C2CD4A: variants seen among roughly 807,000 people sequenced by gnomAD.
The protein encoded by C2CD4A is C2 calcium dependent domain containing 4A, also known as C2 calcium-dependent domain-containing protein 4A.
Under a neutral mutation model 0.4 loss-of-function variants are expected in C2CD4A, and 2 were observed. The observed-to-expected ratio is 4.45, with a 90% CI of 1.82 to 13.99. The LOEUF (loss-of-function observed/expected upper bound fraction) is 13.99, where lower values mean the gene tolerates loss of function less well. C2CD4A is among the 30% of genes most tolerant of loss of function. The probability of loss-of-function intolerance (pLI) is 0.04; values close to 1 mark genes in which losing one functional copy is unlikely to be tolerated. For synonymous variants in C2CD4A, 297 were observed against 280.8 expected (o/e 1.06, Z -0.58); for missense variants, 610 against 574.2 (o/e 1.06, Z -0.64).
Position 62,068,769 on chromosome 15 carries a change from C to G in C2CD4A, c.*46C>G. ...CGCTCTGCCCGGGGGACTCCGGACA[C>G]TGACAGCCGCGTGGTACAAAATAAA... is the stretch of plus-strand genomic sequence containing the variant. On this transcript the variant is annotated 3_prime_UTR_variant, in exon 2 of 2. Transcript: ENST00000355522. 1 of 1,426,366 alleles carries G rather than the reference C, an allele frequency of 7.0e-7. No individual in the cohort carries two copies. The highest frequency in any genetic ancestry group is 9.2e-7 in the Non-Finnish European group (1 of 1,086,900). 88.4% of individuals were successfully genotyped at this position (1,426,366 alleles called of 1,614,324 possible). A position where few individuals can be genotyped will look rare whatever the true frequency, so the allele number is the denominator to read the frequency against.
In C2CD4A at chr15:62,068,436, C is replaced by A. The variant is rs1399684350; in HGVS notation, c.823C>A (p.Leu275Ile). ...PGTGRLRLRL[L>I]RAESPAGGAP... ...AACCGGGCGGCTCCGCCTCCGGCTG[C>A]TCCGCGCCGAGAGCCCGGCCGGAGG... Residue 275 changes from leucine to isoleucine, a missense_variant, in exon 2 of 2, where the codon CTC (leucine) becomes ATC (isoleucine). Transcript: ENST00000355522. 2.1e-6 allele frequency: 3 copies of A among 1,414,308 alleles called. No homozygotes were observed. The African/African-American group carries it at 4.5e-5, about 21-fold the overall frequency. The allele number at this position is 1,414,308 out of a possible 1,614,324, so 87.6% of individuals were successfully genotyped here.
Position 62,068,881 on chromosome 15 carries a change from T to G in C2CD4A, c.*158T>G. The G allele has an allele frequency of 9.1e-7, 1 of 1,099,458 alleles. No individual in the cohort carries two copies. The highest frequency in any genetic ancestry group is 2.5e-5 in the South Asian group (1 of 39,710). The allele number at this position is 1,099,458 out of a possible 1,614,324, so 68.1% of individuals were successfully genotyped here. A position where few individuals can be genotyped will look rare whatever the true frequency, so the allele number is the denominator to read the frequency against. On this transcript the variant is annotated 3_prime_UTR_variant, in exon 2 of 2. Coordinates refer to ENST00000355522, the MANE Select transcript of C2CD4A (RefSeq NM_207322.3). ...TTAACTATCCCAGTAAAAGATATGA[T>G]ATTTTCCATAGATACCTCCAGAATT... is the stretch of plus-strand genomic sequence containing the variant.
Position 62,068,921 on chromosome 15 carries a change from G to T in C2CD4A, c.*198G>T. 8.2e-6 allele frequency: 6 copies of T among 728,884 alleles called. No homozygotes were observed. The highest frequency in any genetic ancestry group is 1.2e-5 in the Non-Finnish European group (6 of 481,460). 45.2% of individuals were successfully genotyped at this position (728,884 alleles called of 1,614,324 possible). ...CCTCCAGAATTTTTTTCAGCAAATG[G>T]AATGGTTCTACAGTGTTTCCCAATA... On this transcript the variant is annotated 3_prime_UTR_variant, in exon 2 of 2. Coordinates refer to ENST00000355522, the MANE Select transcript of C2CD4A (RefSeq NM_207322.3).
chr15:62,067,235 C>A, intron 1 of C2CD4A, 147 bp downstream of exon 1: 1 of 210,546 alleles, frequency 4.7e-6, no homozygotes, highest in South Asian at 1.3e-4. Flanking sequence ...CTGCTATGGT[C>A]CAAAGAGTCA....
rs2049071528 is a variant in C2CD4A at position 62,069,590 on chromosome 15, T to TAATAAG, written c.*872_*873insGAATAA. ...GGAGTGAGACCCTGTCTGCAAATAA[T>TAATAAG]AATAATAATAATAAATAGTTTTACA... is the stretch of plus-strand genomic sequence containing the variant. On this transcript the variant is annotated 3_prime_UTR_variant, in exon 2 of 2. Transcript: ENST00000355522. The TAATAAG allele has an allele frequency of 6.1e-6, 1 of 164,470 alleles. No individual in the cohort carries two copies. The highest frequency in any genetic ancestry group is 2.4e-5 in the African/African-American group (1 of 41,280). The allele number at this position is 164,470 out of a possible 1,614,324, so 10.2% of individuals were successfully genotyped here. A position where few individuals can be genotyped will look rare whatever the true frequency, so the allele number is the denominator to read the frequency against.
In C2CD4A at chr15:62,068,315, C is replaced by G. The variant is rs1193431280; in HGVS notation, c.702C>G (p.Ser234=). ...CCCCCTCCACGAGCCCGCCGTCGTCCCGGGTCCCGTTTCCCGAGCGCCTGG... is the reference window on the plus strand; with the variant it reads ...CCCCCTCCACGAGCCCGCCGTCGTCGCGGGTCCCGTTTCCCGAGCGCCTGG... The part of the protein sequence containing the change: ...ARAPSTSPPS[S]RVPFPERLEA... The change falls in exon 2 of 2, where the codon TCC becomes TCG. Residue 234 remains serine, a synonymous_variant. Coordinates refer to ENST00000355522, the MANE Select transcript of C2CD4A (RefSeq NM_207322.3). 3 of 1,419,090 alleles carry G rather than the reference C, an allele frequency of 2.1e-6. No individual in the cohort carries two copies. Among genetic ancestry groups the G allele is most frequent in the African/African-American group, 1.5e-5 (1 of 67,194 alleles). 87.9% of individuals were successfully genotyped at this position (1,419,090 alleles called of 1,614,324 possible).
At chr15:62,067,248 A>G (rs896380768) in intron 1 of C2CD4A, among the ~76,000 whole-genome samples, 160 bp downstream of exon 1, 1 of 152,214 alleles carries the variant, frequency 6.6e-6, no homozygotes, top group African/African-American at 2.4e-5. Flanking sequence ...AAGAGTCAGG[A>G]AACGATTGCA....
chr15:62,067,630 G>A lies in C2CD4A; in HGVS notation c.17G>A (p.Arg6Gln). 1.9e-6 allele frequency: 3 copies of A among 1,595,492 alleles called. No individual in the cohort carries two copies. Among genetic ancestry groups the A allele is most frequent in the African/African-American group, 1.3e-5 (1 of 74,926 alleles). ...AGTGGCCAGATGTGGTGCCTGGAGC[G>A]ACTCCGCTTGGGTCCTGAGTGCCTT... Reference protein sequence around the residue: MWCLERLRLGPECLRR... With the variant: MWCLEQLRLGPECLRR... Residue 6 changes from arginine to glutamine, a missense_variant, in exon 2 of 2, where the codon CGA becomes CAA. Arg to Gln is a conservative substitution (Grantham distance 43, BLOSUM62 1). Coordinates refer to ENST00000355522, the MANE Select transcript of C2CD4A (RefSeq NM_207322.3).
At position 62,067,621 on chromosome 15, in the gene C2CD4A, G is replaced by A. The variant is rs772793300; in HGVS notation, c.8G>A (p.Cys3Tyr). ...CCAGCAGAGAGTGGCCAGATGTGGT[G>A]CCTGGAGCGACTCCGCTTGGGTCCT... is the stretch of plus-strand genomic sequence containing the variant. Reference protein sequence around the residue: MWCLERLRLGPEC... With the variant: MWYLERLRLGPEC... The change falls in exon 2 of 2, where the codon TGC becomes TAC. Residue 3 changes from cysteine (C) to tyrosine (Y), a missense_variant. By Grantham distance (194) the Cys-to-Tyr change is radical. Transcript: ENST00000355522. 4 of 1,591,022 alleles carry A rather than the reference G, an allele frequency of 2.5e-6. No individual in the cohort carries two copies. Among genetic ancestry groups the A allele is most frequent in the Non-Finnish European group, 3.4e-6 (4 of 1,172,386 alleles).
chr15:62,068,960 G>A lies in C2CD4A; in HGVS notation c.*237G>A, dbSNP rs973336648. 8 of 473,892 alleles carry A rather than the reference G, an allele frequency of 1.7e-5. No homozygotes were observed. The highest frequency in any genetic ancestry group is 1.4e-4 in the African/African-American group (7 of 49,328). The allele number at this position is 473,892 out of a possible 1,614,324, so 29.4% of individuals were successfully genotyped here. A position where few individuals can be genotyped will look rare whatever the true frequency, so the allele number is the denominator to read the frequency against. ...TGTTTCCCAATATAGACAGCCATTT[G>A]CATACCATATGTACCACACACGCCT... On this transcript the variant is annotated 3_prime_UTR_variant, in exon 2 of 2. Coordinates refer to ENST00000355522, the MANE Select transcript of C2CD4A (RefSeq NM_207322.3).
At position 62,070,530 on chromosome 15, in the gene C2CD4A, T is replaced by A. The variant is rs1026459077; in HGVS notation, c.*1807T>A. The A allele has an allele frequency of 3.4e-5, 14 of 413,432 alleles. No individual in the cohort carries two copies. Among genetic ancestry groups the A allele is most frequent in the African/African-American group, 2.9e-4 (14 of 48,726 alleles). 25.6% of individuals were successfully genotyped at this position (413,432 alleles called of 1,614,324 possible). A position where few individuals can be genotyped will look rare whatever the true frequency, so the allele number is the denominator to read the frequency against. On this transcript the variant is annotated 3_prime_UTR_variant, in exon 2 of 2. Transcript: ENST00000355522. ...CATTCATGTTCATTAAAAATGCTAT[T>A]TAGAAAAGAGTTTGATAAAATAAAT...
chr15:62,067,602 G>C lies in C2CD4A; in HGVS notation c.-12G>C. 5.1e-6 allele frequency: 8 copies of C among 1,574,396 alleles called. No individual in the cohort carries two copies. The highest frequency in any genetic ancestry group is 6.0e-6 in the Non-Finnish European group (7 of 1,163,192). ...CACTGCAGGTAGACAAGCTCCAGCA[G>C]AGAGTGGCCAGATGTGGTGCCTGGA... On this transcript the variant is annotated 5_prime_UTR_variant, in exon 2 of 2. Coordinates refer to ENST00000355522, the MANE Select transcript of C2CD4A (RefSeq NM_207322.3).
chr15:62,068,261 C>A lies in C2CD4A; in HGVS notation c.648C>A (p.Arg216=). ...SVSSGNEDKE[R]RAGSQSPARA... is the part of the protein sequence containing the mutation. ...CCAGCGGGAACGAGGACAAGGAGCG[C>A]CGCGCGGGCTCCCAGTCCCCGGCCC... is the stretch of plus-strand genomic sequence containing the variant. Residue 216 remains arginine, a synonymous_variant, in exon 2 of 2, where the codon CGC becomes CGA. Coordinates refer to ENST00000355522, the MANE Select transcript of C2CD4A (RefSeq NM_207322.3). 7.3e-7 allele frequency: 1 copy of A among 1,373,482 alleles called. No homozygotes were observed. The highest frequency in any genetic ancestry group is 1.6e-5 in the South Asian group (1 of 62,486). 85.1% of individuals were successfully genotyped at this position (1,373,482 alleles called of 1,614,324 possible). A position where few individuals can be genotyped will look rare whatever the true frequency, so the allele number is the denominator to read the frequency against.
Position 62,068,584 on chromosome 15 carries a change from T to C in C2CD4A, c.971T>C (p.Phe324Ser). 6.4e-7 allele frequency: 1 copy of C among 1,573,220 alleles called. No homozygotes were observed. The highest frequency in any genetic ancestry group is 1.8e-5 in the Admixed American group (1 of 54,186). ...CGCAAGGCCTCCTTTGACCAGGACT[T>C]CTGCTTCGACGGCCTCTCGGAGGAC... ...RSRKASFDQD[F>S]CFDGLSEDEV... The change falls in exon 2 of 2, where the codon TTC (phenylalanine) becomes TCC (serine). Residue 324 changes from phenylalanine to serine, a missense_variant. By Grantham distance (155) the Phe-to-Ser change is radical (BLOSUM62 -2). Transcript: ENST00000355522.
rs865900020 is a variant in C2CD4A at position 62,068,560 on chromosome 15, G to T, written c.947G>T (p.Arg316Leu). Residue 316 changes from arginine to leucine, a missense_variant, in exon 2 of 2, where the codon CGC (arginine) becomes CTC (leucine). Physicochemically the swap from Arg to Leu is moderately radical, Grantham distance 102. Coordinates refer to ENST00000355522, the MANE Select transcript of C2CD4A (RefSeq NM_207322.3). ...TGCAGCACTGTGGTGGGGCGCAGCCGCAAGGCCTCCTTTGACCAGGACTTC... is the reference window on the plus strand; with the variant it reads ...TGCAGCACTGTGGTGGGGCGCAGCCTCAAGGCCTCCTTTGACCAGGACTTC... ...RQCSTVVGRSRKASFDQDFCF... is the reference protein window; with the variant it reads ...RQCSTVVGRSLKASFDQDFCF... The T allele has an allele frequency of 1.1e-5, 18 of 1,569,678 alleles. No individual in the cohort carries two copies. Among genetic ancestry groups the T allele is most frequent in the South Asian group, 2.3e-5 (2 of 85,544 alleles).
At position 62,067,806 on chromosome 15, in the gene C2CD4A, C is replaced by G. The variant is rs1409170133; in HGVS notation, c.193C>G (p.Arg65Gly). ...LMPRLALAAL[R>G]NSWVEEAGMD... ...GCCCCGCCTGGCCTTGGCTGCGCTCCGGAATTCTTGGGTCGAAGAAGCAGG... is the reference window on the plus strand; with the variant it reads ...GCCCCGCCTGGCCTTGGCTGCGCTCGGGAATTCTTGGGTCGAAGAAGCAGG... Residue 65 changes from arginine (R) to glycine (G), a missense_variant, in exon 2 of 2, where the codon CGG becomes GGG. Transcript: ENST00000355522. The G allele has an allele frequency of 6.2e-7, 1 of 1,612,164 alleles. No individual in the cohort carries two copies. Among genetic ancestry groups the G allele is most frequent in the East Asian group, 2.2e-5 (1 of 44,850 alleles).
rs909635805 is a variant in C2CD4A at position 62,069,677 on chromosome 15, G to T, written c.*954G>T. On this transcript the variant is annotated 3_prime_UTR_variant, in exon 2 of 2. Transcript: ENST00000355522. ...CTGCTATGCCCATTTTACAGATGAGGATATTGAGGCACAGAATAAAGAGCA... is the reference window on the plus strand; with the variant it reads ...CTGCTATGCCCATTTTACAGATGAGTATATTGAGGCACAGAATAAAGAGCA... 6.0e-6 allele frequency: 1 copy of T among 167,004 alleles called. No homozygotes were observed. Among genetic ancestry groups the T allele is most frequent in the Admixed American group, 6.5e-5 (1 of 15,280 alleles). 10.3% of individuals were successfully genotyped at this position (167,004 alleles called of 1,614,324 possible).
Position 62,068,262 on chromosome 15 carries a change from C to A in C2CD4A, c.649C>A (p.Arg217Ser). The A allele has an allele frequency of 7.3e-7, 1 of 1,372,864 alleles. No homozygotes were observed. Among genetic ancestry groups the A allele is most frequent in the South Asian group, 1.6e-5 (1 of 62,388 alleles). 85.0% of individuals were successfully genotyped at this position (1,372,864 alleles called of 1,614,324 possible). A position where few individuals can be genotyped will look rare whatever the true frequency, so the allele number is the denominator to read the frequency against. The part of the protein sequence containing the change: ...VSSGNEDKER[R>S]AGSQSPARAP... ...CAGCGGGAACGAGGACAAGGAGCGC[C>A]GCGCGGGCTCCCAGTCCCCGGCCCG... The change falls in exon 2 of 2, where the codon CGC becomes AGC. Residue 217 changes from arginine (R) to serine (S), a missense_variant. Transcript: ENST00000355522.
Position 62,068,348 on chromosome 15 carries a change from G to A in C2CD4A, c.735G>A (p.Glu245=), listed in dbSNP as rs2140846980. ...RVPFPERLEA[E]GTVALGRAGD... is the part of the protein sequence containing the mutation. Reference sequence around the variant, plus strand: ...CGTTTCCCGAGCGCCTGGAGGCCGAGGGCACCGTGGCTCTGGGCCGCGCCG... The same window carrying A: ...CGTTTCCCGAGCGCCTGGAGGCCGAAGGCACCGTGGCTCTGGGCCGCGCCG... The change falls in exon 2 of 2, where the codon GAG becomes GAA. Residue 245 remains glutamate (E), a synonymous_variant. Coordinates refer to ENST00000355522, the MANE Select transcript of C2CD4A (RefSeq NM_207322.3). 2 of 1,406,108 alleles carry A rather than the reference G, an allele frequency of 1.4e-6. No homozygotes were observed. Among genetic ancestry groups the A allele is most frequent in the Non-Finnish European group, 1.9e-6 (2 of 1,081,082 alleles). The allele number at this position is 1,406,108 out of a possible 1,614,324, so 87.1% of individuals were successfully genotyped here.
Sources: allele counts gnomAD v4.1 joint callset (sites outside exome capture counted in the v4.1 genomes callset), GRCh38; gene constraint gnomAD v4.1.1; transcripts MANE v1.5; gene names NCBI Gene and HGNC (gene_info 2026-07-23, HGNC 2026-07-21).